Variants in SLCO6A1 observed in about 807,000 individuals in gnomAD.
The protein encoded by SLCO6A1 is solute carrier organic anion transporter family member 6A1.
In SLCO6A1, 65 loss-of-function variants were observed where a neutral mutation model predicts 72.7. The ratio of observed to expected loss-of-function variants is 0.89; its 90% confidence interval spans 0.73 to 1.10. The LOEUF is 1.10. Ranked by LOEUF, SLCO6A1 falls within the 50% of genes least tolerant of loss-of-function variation. The pLI is 0.00. For missense variants in SLCO6A1, 874 were observed against 872.6 expected (o/e 1.00, Z -0.02); for synonymous variants, 314 against 298.2 (o/e 1.05, Z -0.55).
intron 11 of SLCO6A1, among the ~76,000 whole-genome samples, chr5:102,389,356 T>G (rs904805107): frequency 2.0e-5 from 3 of 151,044 alleles, no homozygotes; most frequent in East Asian, 3.9e-4. Flanking sequence ...CTGTGCTGCC[T>G]GAGGGAAACC....
At chr5:102,454,661 C>CT (rs149894194) in intron 6 of SLCO6A1, among the ~76,000 whole-genome samples, 1,865 of 147,212 alleles carry the variant, frequency 0.013, 31 homozygotes, top group African/African-American at 0.041. Flanking sequence ...AATTGGCTTG[C>CT]TTTTTTTTTT....
chr5:102,424,064 T>C (rs181383580), intron 7 of SLCO6A1, among the ~76,000 whole-genome samples: 2 of 152,236 alleles, frequency 1.3e-5, no homozygotes, highest in Non-Finnish European at 2.9e-5. Flanking sequence ...AAATAAGTTC[T>C]TTAAAACCAA....
intron 9 of SLCO6A1, among the ~76,000 whole-genome samples, chr5:102,402,197 A>G (rs1747436391): frequency 6.6e-6 from 1 of 152,116 alleles, no homozygotes; most frequent in African/African-American, 2.4e-5. Flanking sequence ...ACATTGCATG[A>G]GGTGGGGTGC....
intron 12 of SLCO6A1, among the ~76,000 whole-genome samples, chr5:102,380,920 A>G (rs1342917555): frequency 6.6e-6 from 1 of 151,906 alleles, no homozygotes; most frequent in Non-Finnish European, 1.5e-5. Flanking sequence ...CCACCAGTCC[A>G]TGGAATTCTT....
At chr5:102,405,522 A>T (rs754839196) in intron 9 of SLCO6A1, among the ~76,000 whole-genome samples, 4 of 152,128 alleles carry the variant, frequency 2.6e-5, no homozygotes, top group Non-Finnish European at 5.9e-5. Context: ...ACAGAGAAGC[A>T]TCATATTTAC....
intron 8 of SLCO6A1, among the ~76,000 whole-genome samples, chr5:102,415,664 T>G (rs1748243224): frequency 6.6e-6 from 1 of 152,098 alleles, no homozygotes; most frequent in Non-Finnish European, 1.5e-5. Flanking sequence ...AATTCGTGAT[T>G]GATACCTCAA....
In SLCO6A1 at chr5:102,391,017, C is replaced by T. The variant is rs1746725551; in HGVS notation, c.1843G>A (p.Ala615Thr). 2 of 1,613,524 alleles carry T rather than the reference C, an allele frequency of 1.2e-6. No individual in the cohort carries two copies. Among genetic ancestry groups the T allele is most frequent in the Non-Finnish European group, 8.5e-7 (1 of 1,179,618 alleles). ...AAAATCACATAGCTTACACCCAAGGCCAGAGAACGCAGTTTGTCAGGTACA... is the reference window on the plus strand; with the variant it reads ...AAAATCACATAGCTTACACCCAAGGTCAGAGAACGCAGTTTGTCAGGTACA... ...RVVPDKLRSLALGVSYVILRI... is the reference protein window; with the variant it reads ...RVVPDKLRSLTLGVSYVILRI... Residue 615 changes from alanine to threonine, a missense_variant, in exon 11 of 14, where the codon GCC (alanine) becomes ACC (threonine). By Grantham distance (58) the Ala-to-Thr change is moderately conservative. Transcript: ENST00000506729.
intron 12 of SLCO6A1, among the ~76,000 whole-genome samples, chr5:102,386,979 A>G (rs536018040): frequency 1.3e-5 from 2 of 152,200 alleles, no homozygotes; most frequent in Admixed American, 6.5e-5. Flanking sequence ...TACCCTCTTC[A>G]ATGTGTCTTT....
chr5:102,418,416 T>A (rs890151766), intron 8 of SLCO6A1, among the ~76,000 whole-genome samples: 2 of 152,134 alleles, frequency 1.3e-5, no homozygotes, highest in African/African-American at 4.8e-5. Flanking sequence ...TCTTGATATA[T>A]TTTTCTTTCT....
At position 102,375,822 on chromosome 5, in the gene SLCO6A1, A is replaced by T. The variant is rs561092723; in HGVS notation, c.2018-2328T>A. 2.6e-5 allele frequency among the ~76,000 whole-genome samples: 4 copies of T among 152,256 alleles called. No individual in the cohort carries two copies. In the South Asian group the frequency reaches 8.3e-4, roughly 32 times the overall value. ...TCAAGTGATCACACATATATTAAAT[A>T]GAGCCCCAGAAGGAGAGAGTAGGAA... On this transcript the variant is annotated intron_variant, in intron 12 of 13. Coordinates refer to ENST00000506729, the MANE Select transcript of SLCO6A1 (RefSeq NM_173488.5).
chr5:102,419,949 G>A lies in SLCO6A1; in HGVS notation c.1349C>T (p.Ser450Phe), dbSNP rs200993517. The A allele has an allele frequency of 1.8e-4, 295 of 1,607,442 alleles. 1 individual carries two copies. The highest frequency in any genetic ancestry group is 2.4e-4 in the Non-Finnish European group (278 of 1,178,030). ...GGVIVSTLEM[S>F]CKALMRFIMV... ...TATAAATCTCATAAGGGCTTTACAA[G>A]ACATTTCTAATGTGGAAACAATGAC... The change falls in exon 8 of 14, where the codon TCT (serine) becomes TTT (phenylalanine). Residue 450 changes from serine (S) to phenylalanine (F), a missense_variant. Physicochemically the swap from Ser to Phe is radical, Grantham distance 155 (BLOSUM62 -2). Transcript: ENST00000506729.
chr5:102,404,487 T>C (rs1747566467), intron 9 of SLCO6A1, among the ~76,000 whole-genome samples: 1 of 152,176 alleles, frequency 6.6e-6, no homozygotes, highest in African/African-American at 2.4e-5. Flanking sequence ...GCCTGGGTGA[T>C]GGAGAGAGAC....
At chr5:102,477,994 A>G in intron 2 of SLCO6A1, 133 bp from the exon 3 acceptor site, 1 of 827,120 alleles carries the variant, frequency 1.2e-6, no homozygotes, top group Non-Finnish European at 1.9e-6. Flanking sequence ...CATTTCATTT[A>G]CATTGAATGT....
At chr5:102,405,189 C>A (rs1747607672) in intron 9 of SLCO6A1, among the ~76,000 whole-genome samples, 1 of 151,800 alleles carries the variant, frequency 6.6e-6, no homozygotes, top group Non-Finnish European at 1.5e-5. Flanking sequence ...AAGTAACTAC[C>A]TGTAGAAGTT....
intron 6 of SLCO6A1, among the ~76,000 whole-genome samples, chr5:102,451,001 A>G (rs562512569): frequency 5.3e-5 from 8 of 152,266 alleles, no homozygotes; most frequent in African/African-American, 1.9e-4. Context: ...AGAAATGCAG[A>G]GCCATCATCA....
At chr5:102,378,972 G>T (rs1054691450) in intron 12 of SLCO6A1, among the ~76,000 whole-genome samples, 3 of 151,894 alleles carry the variant, frequency 2.0e-5, no homozygotes, top group Non-Finnish European at 4.4e-5. Context: ...GTAGAGATGG[G>T]GTTTCACCAT....
At chr5:102,451,174 C>A (rs1242390768) in intron 6 of SLCO6A1, among the ~76,000 whole-genome samples, 2 of 152,188 alleles carry the variant, frequency 1.3e-5, no homozygotes, top group Non-Finnish European at 2.9e-5. Flanking sequence ...AGTCCTTAAG[C>A]TCATTGCTCC....
chr5:102,403,133 G>C (rs1450493608), intron 9 of SLCO6A1, among the ~76,000 whole-genome samples: 1 of 152,122 alleles, frequency 6.6e-6, no homozygotes, highest in African/African-American at 2.4e-5. Flanking sequence ...TGCTGAGTGT[G>C]GAATATGATA....
chr5:102,383,075 A>ATG (rs966214904), intron 12 of SLCO6A1, among the ~76,000 whole-genome samples: 3 of 65,580 alleles, frequency 4.6e-5, no homozygotes, highest in Admixed American at 4.0e-4. Flanking sequence ...AACTATATAT[A>ATG]GTGTATGTAT....
Sources: allele counts gnomAD v4.1 joint callset (sites outside exome capture counted in the v4.1 genomes callset), GRCh38; gene constraint gnomAD v4.1.1; transcripts MANE v1.5; gene names NCBI Gene and HGNC (gene_info 2026-07-23, HGNC 2026-07-21).